Variants in NFIA observed in about 807,000 individuals in gnomAD.
The protein encoded by NFIA is nuclear factor I A, also known as nuclear factor 1 A-type.
NFIA carries 8 observed loss-of-function variants against 62.8 expected under a neutral mutation model. The observed-to-expected ratio is 0.13, with a 90% CI of 0.07 to 0.23. NFIA has a LOEUF of 0.23. Ranked by LOEUF, NFIA falls within the 10% of genes least tolerant of loss-of-function variation. NFIA has a pLI of 1.00. For synonymous variants in NFIA, 235 were observed against 238.1 expected, an observed-to-expected ratio of 0.99 and a Z score of 0.12; for missense variants, 410 against 642.1, an observed-to-expected ratio of 0.64 and a Z score of 3.91.
chr1:61,320,518 G>T (rs763779197), intron 3 of NFIA, among the ~76,000 whole-genome samples: 45 of 152,240 alleles, frequency 3.0e-4, no homozygotes, highest in South Asian at 1.0e-3. Context: ...GTATATAATA[G>T]TACATTTAAT....
At chr1:61,374,011 A>T (rs151042155) in intron 6 of NFIA, among the ~76,000 whole-genome samples, 6 of 152,288 alleles carry the variant, frequency 3.9e-5, no homozygotes, top group Admixed American at 1.3e-4. Flanking sequence ...AGCCCTTGCA[A>T]TGTGGCTATG....
chr1:61,140,972 T>G (rs940024383), intron 2 of NFIA, among the ~76,000 whole-genome samples: 2 of 147,832 alleles, frequency 1.4e-5, no homozygotes, highest in African/African-American at 2.5e-5. Flanking sequence ...TGGGTTTTTT[T>G]TTTTTTTTTT....
At chr1:61,360,727 C>G (rs1663243082) in intron 6 of NFIA, among the ~76,000 whole-genome samples, 1 of 152,212 alleles carries the variant, frequency 6.6e-6, no homozygotes, top group Non-Finnish European at 1.5e-5. Context: ...ATTCTGTATC[C>G]TGATTGTGGT....
chr1:61,276,750 C>G (rs1394964189), intron 2 of NFIA, among the ~76,000 whole-genome samples: 1 of 151,838 alleles, frequency 6.6e-6, no homozygotes, highest in Non-Finnish European at 1.5e-5. Flanking sequence ...TTGATTTTCC[C>G]TTATTTCATT....
rs1646260128 is a variant in NFIA, at chr1:61,088,497, G to A, written c.376G>A (p.Val126Ile). The A allele has an allele frequency of 6.2e-7, 1 of 1,614,126 alleles. No individual in the cohort carries two copies. The highest frequency in any genetic ancestry group is 8.5e-7 in the Non-Finnish European group (1 of 1,180,022). Residue 126 changes from valine to isoleucine, a missense_variant, in exon 2 of 11, where the codon GTC becomes ATC. Coordinates refer to ENST00000403491, the MANE Select transcript of NFIA (RefSeq NM_001134673.4). The surrounding 1 kb of genome is among the most constrained non-coding windows in gnomAD (Gnocchi z 4.5). The part of the protein sequence containing the change: ...RIDCLRQADK[V>I]WRLDLVMVIL... Reference sequence around the variant, plus strand: ...TGACTGCCTCCGCCAGGCAGATAAAGTCTGGAGGTTGGACCTTGTTATGGT... The same window carrying A: ...TGACTGCCTCCGCCAGGCAGATAAAATCTGGAGGTTGGACCTTGTTATGGT...
chr1:61,199,217 A>G (rs370761708), intron 2 of NFIA, among the ~76,000 whole-genome samples: 31 of 152,326 alleles, frequency 2.0e-4, no homozygotes, highest in Non-Finnish European at 4.4e-4. Flanking sequence ...TTACATTTGA[A>G]ATTTTAAAAT....
chr1:61,275,156 C>G (rs1657734091), intron 2 of NFIA, among the ~76,000 whole-genome samples: 1 of 152,156 alleles, frequency 6.6e-6, no homozygotes, highest in Non-Finnish European at 1.5e-5. Context: ...TGAGCTTTCA[C>G]GAGAATGCGG....
At chr1:61,423,543 G>C (rs987216642) in intron 9 of NFIA, among the ~76,000 whole-genome samples, 2 of 152,260 alleles carry the variant, frequency 1.3e-5, no homozygotes, top group Middle Eastern at 3.4e-3. Flanking sequence ...AATTAAGAAA[G>C]ATATGAATAT....
At chr1:61,214,889 C>A (rs1047673562) in intron 2 of NFIA, among the ~76,000 whole-genome samples, 1 of 152,170 alleles carries the variant, frequency 6.6e-6, no homozygotes, top group Non-Finnish European at 1.5e-5. Context: ...TGAAACAGGT[C>A]TTGGCTCCGA....
At chr1:61,261,746 A>T (rs1288573172) in intron 2 of NFIA, among the ~76,000 whole-genome samples, 1 of 152,270 alleles carries the variant, frequency 6.6e-6, no homozygotes, top group Non-Finnish European at 1.5e-5. Context: ...CAAGCTGGCG[A>T]TCTGCCTTCC....
At chr1:61,246,178 C>T (rs545686965) in intron 2 of NFIA, among the ~76,000 whole-genome samples, 1 of 152,100 alleles carries the variant, frequency 6.6e-6, no homozygotes, top group Non-Finnish European at 1.5e-5. Flanking sequence ...ATATAGTTAT[C>T]CTGTTGTGAA....
At chr1:61,084,656 G>A (rs924501892) in intron 1 of NFIA, among the ~76,000 whole-genome samples, 1 of 152,124 alleles carries the variant, frequency 6.6e-6, no homozygotes, top group African/African-American at 2.4e-5. Flanking sequence ...GATAATATCA[G>A]CGAGCTGCAA....
At chr1:61,162,643 C>G (rs910334002) in intron 2 of NFIA, among the ~76,000 whole-genome samples, 17 of 152,154 alleles carry the variant, frequency 1.1e-4, no homozygotes, top group African/African-American at 4.1e-4. Flanking sequence ...TTTTAGCCCA[C>G]TATCTGTCCC....
intron 10 of NFIA, among the ~76,000 whole-genome samples, chr1:61,446,299 G>A (rs1667807997): frequency 6.6e-6 from 1 of 152,140 alleles, no homozygotes; most frequent in East Asian, 1.9e-4. Context: ...TTGTTTCTTT[G>A]GCTCACAACA....
chr1:61,450,920 A>G (rs1202283922), intron 10 of NFIA, among the ~76,000 whole-genome samples: 2 of 152,170 alleles, frequency 1.3e-5, no homozygotes, highest in Non-Finnish European at 2.9e-5. Flanking sequence ...CCTCTTAGTA[A>G]AAAGAGGATG....
At chr1:61,240,363 A>G (rs1345803513) in intron 2 of NFIA, among the ~76,000 whole-genome samples, 1 of 152,078 alleles carries the variant, frequency 6.6e-6, no homozygotes, top group Non-Finnish European at 1.5e-5. Context: ...AATAACAAAA[A>G]TAACAGTCAT....
intron 9 of NFIA, among the ~76,000 whole-genome samples, chr1:61,421,810 C>A (rs1666635179): frequency 6.6e-6 from 1 of 152,140 alleles, no homozygotes; most frequent in Non-Finnish European, 1.5e-5. Flanking sequence ...AAATTTTCTC[C>A]CTTTTCTGCC....
At chr1:61,340,292 CTA>C (rs1661830274) in intron 4 of NFIA, among the ~76,000 whole-genome samples, 1 of 152,178 alleles carries the variant, frequency 6.6e-6, no homozygotes, top group South Asian at 2.1e-4. Context: ...GTTATGCTTT[CTA>C]TGTGTCAAGT....
chr1:61,281,270 A>G (rs1225265627), intron 3 of NFIA, among the ~76,000 whole-genome samples: 1 of 152,008 alleles, frequency 6.6e-6, no homozygotes, highest in African/African-American at 2.4e-5. Flanking sequence ...GAAATAAAAT[A>G]CTAAAAGGAC....
Sources: allele counts gnomAD v4.1 joint callset (sites outside exome capture counted in the v4.1 genomes callset), GRCh38; gene constraint gnomAD v4.1.1; non-coding constraint Gnocchi (gnomAD v3.1); transcripts MANE v1.5; gene names NCBI Gene and HGNC (gene_info 2026-07-23, HGNC 2026-07-21).